ABCC2: variants seen among roughly 807,000 people sequenced by gnomAD.
The protein encoded by ABCC2 is ATP-binding cassette sub-family C member 2.
A neutral mutation model predicts 173.4 loss-of-function variants in ABCC2; 157 were observed. That is an observed-to-expected ratio of 0.91 (90% CI 0.80 to 1.03). The LOEUF (loss-of-function observed/expected upper bound fraction) is 1.03. ABCC2 is among the 50% of genes least tolerant of loss of function. The pLI, the probability that ABCC2 is intolerant of heterozygous loss-of-function variation, is 0.00. For synonymous variants in ABCC2, 657 were observed against 693.5 expected (o/e 0.95, Z 0.83); for missense variants, 1,822 against 1,852.3 (o/e 0.98, Z 0.30).
chr10:99,797,211 G>C lies in ABCC2; in HGVS notation c.747G>C (p.Glu249Asp), dbSNP rs778142003. The change falls in exon 7 of 32, where the codon GAG (glutamate) becomes GAC (aspartate). Residue 249 changes from glutamate (E) to aspartate (D), a missense_variant. Transcript: ENST00000647814. ...AGTTTGAAACGCACATGAAGAGAGA[G>C]CTGCAGAAAGCCAGGCGGGCACTCC... ...VSKFETHMKR[E>D]LQKARRALQR... 6.2e-7 allele frequency: 1 copy of C among 1,614,170 alleles called. No homozygotes were observed. The highest frequency in any genetic ancestry group is 1.1e-5 in the South Asian group (1 of 91,086).
chr10:99,830,846 G>A lies in ABCC2; in HGVS notation c.2878G>A (p.Gly960Arg), dbSNP rs2038726484. The A allele has an allele frequency of 6.2e-7, 1 of 1,613,796 alleles. No homozygotes were observed. Among genetic ancestry groups the A allele is most frequent in the East Asian group, 2.2e-5 (1 of 44,882 alleles). Residue 960 changes from glycine (G) to arginine (R), a missense_variant, in exon 21 of 32, where the codon GGA (glycine) becomes AGA (arginine). Physicochemically the swap from Gly to Arg is moderately radical, Grantham distance 125 (BLOSUM62 -2). Coordinates refer to ENST00000647814, the MANE Select transcript of ABCC2 (RefSeq NM_000392.5). ...AATTAAGAAGGAATTCATAGAAACT[G>A]GAAAGGTGAACACCACACAGAAAAG... ...KLIKKEFIET[G>R]KVKFSIYLEY... is the part of the protein sequence containing the mutation.
intron 16 of ABCC2, among the ~76,000 whole-genome samples, chr10:99,814,680 CACACGTGTATAT>C (rs2038358649): frequency 7.5e-6 from 1 of 134,216 alleles, no homozygotes; most frequent in African/African-American, 2.7e-5. Flanking sequence ...CACATATACA[CACACGTGTATAT>C]ACACATATAT....
At chr10:99,845,116 G>C (rs1564701437) in intron 28 of ABCC2, among the ~76,000 whole-genome samples, 1 of 152,070 alleles carries the variant, frequency 6.6e-6, no homozygotes, top group Non-Finnish European at 1.5e-5. Context: ...TGCAACCTCT[G>C]CTTCCTGGGT....
At chr10:99,809,265 A>G (rs1347410992) in intron 13 of ABCC2, among the ~76,000 whole-genome samples, 2 of 152,210 alleles carry the variant, frequency 1.3e-5, no homozygotes, top group Non-Finnish European at 2.9e-5. Context: ...AGGCACGAGA[A>G]TCACTTGAAC....
intron 2 of ABCC2, among the ~76,000 whole-genome samples, chr10:99,785,737 C>T (rs574430813): frequency 4.6e-5 from 7 of 152,160 alleles, no homozygotes; most frequent in African/African-American, 9.6e-5. Context: ...AGACTGGTCT[C>T]GAACTCCTGA....
At chr10:99,799,086 G>A in intron 7 of ABCC2, 121 bp from the exon 8 acceptor site, 2 of 1,067,472 alleles carry the variant, frequency 1.9e-6, no homozygotes, top group Admixed American at 3.8e-5. Context: ...ACTAGGCCAG[G>A]GAGAGATGAT....
chr10:99,804,405 T>A, intron 10 of ABCC2, 132 bp downstream of exon 10: 1 of 1,212,728 alleles, frequency 8.2e-7, no homozygotes, highest in Non-Finnish European at 1.2e-6. Flanking sequence ...ATCTCAATTG[T>A]ACTTAGCTGT....
chr10:99,817,596 A>C, intron 17 of ABCC2, 112 bp downstream of exon 17: 1 of 1,158,628 alleles, frequency 8.6e-7, no homozygotes, highest in Non-Finnish European at 1.3e-6. Context: ...TTAGGTAGTC[A>C]TATTTGGAAT....
chr10:99,820,224 T>C (rs1012928518), intron 19 of ABCC2, among the ~76,000 whole-genome samples: 6 of 152,138 alleles, frequency 3.9e-5, no homozygotes, highest in Admixed American at 2.6e-4. Context: ...AAACCCCGTC[T>C]CTACTAAAAA....
At position 99,845,633 on chromosome 10, in the gene ABCC2, G is replaced by A; in HGVS notation, c.3997G>A (p.Val1333Met). 1.2e-6 allele frequency: 2 copies of A among 1,614,100 alleles called. No individual in the cohort carries two copies. The highest frequency in any genetic ancestry group is 1.1e-5 in the South Asian group (1 of 91,068). ...DIGSMEKIGVVGRTGAGKSSL... is the reference protein window; with the variant it reads ...DIGSMEKIGVMGRTGAGKSSL... ...GGAACTATATTCGCAGATTGGTGTG[G>A]TGGGCAGGACAGGAGCTGGAAAGTC... is the stretch of plus-strand genomic sequence containing the variant. Residue 1333 changes from valine (V) to methionine (M), a missense_variant, in exon 29 of 32, where the codon GTG (valine) becomes ATG (methionine). Transcript: ENST00000647814.
In ABCC2 at chr10:99,784,743, A is replaced by G; in HGVS notation, c.169A>G (p.Lys57Glu). 6.2e-7 allele frequency: 1 copy of G among 1,614,152 alleles called. No homozygotes were observed. Among genetic ancestry groups the G allele is most frequent in the South Asian group, 1.1e-5 (1 of 91,070 alleles). Reference sequence around the variant, plus strand: ...TCTCCACGTGTATAAATCCAGGACCAAGAGATCCTCTACCACCAAACTCTA... The same window carrying G: ...TCTCCACGTGTATAAATCCAGGACCGAGAGATCCTCTACCACCAAACTCTA... ...QLLHVYKSRT[K>E]RSSTTKLYLA... Residue 57 changes from lysine (K) to glutamate (E), a missense_variant, in exon 2 of 32, where the codon AAG becomes GAG. By Grantham distance (56) the Lys-to-Glu change is moderately conservative. Coordinates refer to ENST00000647814, the MANE Select transcript of ABCC2 (RefSeq NM_000392.5).
At chr10:99,827,073 G>A (rs952865512) in intron 19 of ABCC2, among the ~76,000 whole-genome samples, 1 of 151,334 alleles carries the variant, frequency 6.6e-6, no homozygotes, top group Admixed American at 6.6e-5. Flanking sequence ...AAGTCTCCTA[G>A]TGGGCGGCTG....
rs149593061 is a variant in ABCC2, at chr10:99,807,455, G to T, written c.1602G>T (p.Lys534Asn). The part of the protein sequence containing the change: ...QVQNLRKKEL[K>N]NLLAFSQLQC... ...AAAACCTCCGGAAGAAAGAGCTCAA[G>T]AACCTGCTGGCCTTTAGTCAACTAC... Residue 534 changes from lysine (K) to asparagine (N), a missense_variant, in exon 12 of 32, where the codon AAG (lysine) becomes AAT (asparagine). Lys to Asn is a moderately conservative substitution (Grantham distance 94, BLOSUM62 0). Coordinates refer to ENST00000647814, the MANE Select transcript of ABCC2 (RefSeq NM_000392.5). 307 of 1,613,998 alleles carry T rather than the reference G, an allele frequency of 1.9e-4. No individual in the cohort carries two copies. The highest frequency in any genetic ancestry group is 2.5e-4 in the Non-Finnish European group (300 of 1,180,000).
chr10:99,844,531 A>G (rs2038990101), intron 28 of ABCC2, 66 bp downstream of exon 28: 2 of 1,593,524 alleles, frequency 1.3e-6, no homozygotes, highest in Non-Finnish European at 8.5e-7. Flanking sequence ...GACAGAGTGG[A>G]GAGCAGCTGG....
intron 9 of ABCC2, among the ~76,000 whole-genome samples, chr10:99,803,494 C>T (rs1198849906): frequency 1.3e-5 from 2 of 152,182 alleles, no homozygotes; most frequent in African/African-American, 4.8e-5. Flanking sequence ...CCATCCATCC[C>T]TCCTTTTCTT....
At chr10:99,814,314 T>TATGTATACACACATGTATATAC (rs1168220112) in intron 16 of ABCC2, among the ~76,000 whole-genome samples, 1 of 60,564 alleles carries the variant, frequency 1.7e-5, no homozygotes. Flanking sequence ...CACATGTATA[T>TATGTATACACACATGTATATAC]ACACACGTAT....
chr10:99,819,836 C>T (rs143552802), intron 19 of ABCC2, among the ~76,000 whole-genome samples: 30 of 152,326 alleles, frequency 2.0e-4, no homozygotes, highest in African/African-American at 7.0e-4. Context: ...AATATCACCA[C>T]CATTGGGTTC....
chr10:99,822,052 G>C (rs941748417), intron 19 of ABCC2, among the ~76,000 whole-genome samples: 1 of 152,062 alleles, frequency 6.6e-6, no homozygotes, highest in Non-Finnish European at 1.5e-5. Context: ...CTCAGGTTTG[G>C]CAGGGCAGCG....
chr10:99,817,004 T>C lies in ABCC2; in HGVS notation c.2095-304T>C, dbSNP rs574460940. Among the ~76,000 whole-genome samples the C allele has an allele frequency of 3.3e-5, 5 of 152,308 alleles. No individual in the cohort carries two copies. In the South Asian group the frequency reaches 8.3e-4, roughly 25 times the overall value. On this transcript the variant is annotated intron_variant, in intron 16 of 31. Coordinates refer to ENST00000647814, the MANE Select transcript of ABCC2 (RefSeq NM_000392.5). The stretch of plus-strand genomic sequence containing the variant: ...CTTTCGTTGGTCCTAGTAAACTCAA[T>C]TGGGTTTGACTAAAACCCTCTTCTA...
Sources: allele counts gnomAD v4.1 joint callset (sites outside exome capture counted in the v4.1 genomes callset), GRCh38; gene constraint gnomAD v4.1.1; transcripts MANE v1.5; gene names NCBI Gene and HGNC (gene_info 2026-07-23, HGNC 2026-07-21).